Variants in RNF11 observed in about 807,000 individuals in gnomAD.
The protein encoded by RNF11 is ring finger protein 11.
In RNF11, 4 loss-of-function variants were observed where a neutral mutation model predicts 15.8. The ratio of observed to expected loss-of-function variants is 0.25; its 90% CI spans 0.12 to 0.58. The LOEUF is 0.58. Ranked by LOEUF, RNF11 falls within the 20% of genes least tolerant of loss-of-function variation. RNF11 has a pLI of 0.91. For synonymous variants in RNF11, 68 were observed against 72.3 expected (o/e 0.94, Z 0.30); for missense variants, 139 against 194.4 (o/e 0.71, Z 1.70).
rs183461836 is a variant in RNF11 at position 51,250,630 on chromosome 1, G to A, written c.123+13751G>A. 5.2e-4 allele frequency: 387 copies of A among 743,308 alleles called. 2 individuals carry two copies. The African/African-American group carries it at 6.3e-3, about 12-fold the overall frequency. The allele number at this position is 743,308 out of a possible 1,614,324, so 46.0% of individuals were successfully genotyped here. On this transcript the variant is annotated intron_variant, in intron 1 of 2. Transcript: ENST00000242719. ...GTAGCCACAGCTGGAGCCTGGGTCCGCTGCACGGAGACTCTGGCGTGGGCC... is the reference window on the plus strand; with the variant it reads ...GTAGCCACAGCTGGAGCCTGGGTCCACTGCACGGAGACTCTGGCGTGGGCC...
intron 1 of RNF11, among the ~76,000 whole-genome samples, chr1:51,238,768 C>T (rs1486582462): frequency 6.6e-6 from 1 of 152,016 alleles, no homozygotes; most frequent in East Asian, 1.9e-4. Flanking sequence ...CGCTCTGTCA[C>T]CCCGGCTGGA....
chr1:51,239,866 A>G (rs779464610), intron 1 of RNF11, among the ~76,000 whole-genome samples: 6 of 152,264 alleles, frequency 3.9e-5, no homozygotes, highest in Non-Finnish European at 7.3e-5. Flanking sequence ...ATGTACATAT[A>G]ATGACAAGAG....
intron 1 of RNF11, among the ~76,000 whole-genome samples, chr1:51,267,247 ATATT>A (rs1406357867): frequency 3.9e-5 from 6 of 152,316 alleles, no homozygotes; most frequent in African/African-American, 7.2e-5. Flanking sequence ...GCTAATCAAA[ATATT>A]TATTTATTTT....
chr1:51,244,628 C>T (rs1445182897), intron 1 of RNF11, among the ~76,000 whole-genome samples: 1 of 152,168 alleles, frequency 6.6e-6, no homozygotes, highest in Non-Finnish European at 1.5e-5. Context: ...CCTGCCTCGG[C>T]CTCCCAAAGT....
Position 51,236,581 on chromosome 1 carries a change from C to T in RNF11, c.-176C>T, listed in dbSNP as rs1646803867. 1.4e-6 allele frequency: 1 copy of T among 695,572 alleles called. No individual in the cohort carries two copies. The highest frequency in any genetic ancestry group is 3.7e-5 in the East Asian group (1 of 27,338). 43.1% of individuals were successfully genotyped at this position (695,572 alleles called of 1,614,324 possible). A position where few individuals can be genotyped will look rare whatever the true frequency, so the allele number is the denominator to read the frequency against. ...CGCGGCCCAGCCTTGATCCCCCAAC[C>T]CCGGGGGCTGGCATGAGCGGCCCCT... On this transcript the variant is annotated 5_prime_UTR_variant, in exon 1 of 3. Transcript: ENST00000242719.
chr1:51,257,663 G>T (rs572352121), intron 1 of RNF11, among the ~76,000 whole-genome samples: 26 of 151,740 alleles, frequency 1.7e-4, no homozygotes, highest in South Asian at 1.7e-3. Context: ...TCGCCACATT[G>T]CCCAGGCTGG....
At chr1:51,269,863 A>AG in intron 1 of RNF11, 93 bp from the exon 2 acceptor site, 1 of 1,046,722 alleles carries the variant, frequency 9.6e-7, no homozygotes, top group South Asian at 1.4e-5. Flanking sequence ...TACCCCTCCC[A>AG]GGGCTCCCTT....
rs748392833 is a variant in RNF11 at position 51,272,796 on chromosome 1, T to TATA, written c.*1474_*1475insATA. 18 of 152,320 alleles carry TATA rather than the reference T, an allele frequency of 1.2e-4. No homozygotes were observed. Among genetic ancestry groups the TATA allele is most frequent in the Non-Finnish European group, 2.5e-4 (17 of 67,994 alleles). 9.4% of individuals were successfully genotyped at this position (152,320 alleles called of 1,614,324 possible). A position where few individuals can be genotyped will look rare whatever the true frequency, so the allele number is the denominator to read the frequency against. The stretch of plus-strand genomic sequence containing the variant: ...AGTGTTTCTTATTATTATTTTATAT[T>TATA]GAGTTGAATATTGAACTCTAACAGT... On this transcript the variant is annotated 3_prime_UTR_variant, in exon 3 of 3. Transcript: ENST00000242719.
intron 1 of RNF11, among the ~76,000 whole-genome samples, chr1:51,253,440 T>G (rs1337418546): frequency 1.3e-5 from 2 of 151,270 alleles, no homozygotes; most frequent in East Asian, 3.9e-4. Flanking sequence ...GGAGGATCAC[T>G]TGAGCCCAGG....
chr1:51,262,228 C>G (rs1247613397), intron 1 of RNF11, among the ~76,000 whole-genome samples: 1 of 152,094 alleles, frequency 6.6e-6, no homozygotes, highest in Non-Finnish European at 1.5e-5. Context: ...GCACTTGGCC[C>G]CAAAACAATT....
At chr1:51,247,527 C>A (rs1436595238) in intron 1 of RNF11, among the ~76,000 whole-genome samples, 1 of 151,402 alleles carries the variant, frequency 6.6e-6, no homozygotes, top group Non-Finnish European at 1.5e-5. Context: ...CCCAAGCCAT[C>A]CTCCTGCCTC....
At chr1:51,262,245 G>A (rs758355777) in intron 1 of RNF11, among the ~76,000 whole-genome samples, 5 of 152,282 alleles carry the variant, frequency 3.3e-5, no homozygotes, top group East Asian at 3.9e-4. Flanking sequence ...AATTTTTAAC[G>A]GATGATGCTG....
rs974895540 is a variant in RNF11 at position 51,248,642 on chromosome 1, T to C, written c.123+11763T>C. 2.0e-5 allele frequency among the ~76,000 whole-genome samples: 3 copies of C among 152,172 alleles called. No homozygotes were observed. In the East Asian group the frequency reaches 5.8e-4, roughly 29 times the overall value. On this transcript the variant is annotated intron_variant, in intron 1 of 2. Coordinates refer to ENST00000242719, the MANE Select transcript of RNF11 (RefSeq NM_014372.5). ...GAGGTCAGCATGAAATAGTACATAA[T>C]CAATTATTAAATGGTTTTGTATATA...
chr1:51,264,287 A>AAAAATATAT (rs1557682286), intron 1 of RNF11, among the ~76,000 whole-genome samples: 4 of 32,518 alleles, frequency 1.2e-4, no homozygotes, highest in African/African-American at 3.1e-4. Flanking sequence ...AAAAAAAAAA[A>AAAAATATAT]ATATATATAT....
In RNF11 at chr1:51,248,221, G is replaced by A. The variant is rs535828609; in HGVS notation, c.123+11342G>A. Among the ~76,000 whole-genome samples, 124 of 130,882 alleles carry A rather than the reference G, an allele frequency of 9.5e-4. 1 individual carries two copies. The highest frequency in any genetic ancestry group is 3.4e-3 in the African/African-American group (117 of 34,070). 85.9% of individuals were successfully genotyped at this position (130,882 alleles called of 152,430 possible). ...TTTCTTTTTCTTTTTTTTTTTTTTGGCTTTGAGATGGAGTCTTGCTCTGTC... is the reference window on the plus strand; with the variant it reads ...TTTCTTTTTCTTTTTTTTTTTTTTGACTTTGAGATGGAGTCTTGCTCTGTC... On this transcript the variant is annotated intron_variant, in intron 1 of 2. Coordinates refer to ENST00000242719, the MANE Select transcript of RNF11 (RefSeq NM_014372.5).
At chr1:51,255,607 T>C (rs17106471) in intron 1 of RNF11, among the ~76,000 whole-genome samples, 2,344 of 152,348 alleles carry the variant, frequency 0.015, 59 homozygotes, top group African/African-American at 0.053. Flanking sequence ...TGATTAATCC[T>C]GATAAAAACC....
intron 1 of RNF11, among the ~76,000 whole-genome samples, chr1:51,266,968 C>G (rs1646957433): frequency 6.6e-6 from 1 of 152,218 alleles, no homozygotes; most frequent in Admixed American, 6.5e-5. Context: ...CCCACATAGC[C>G]CGGACACAGT....
At position 51,271,315 on chromosome 1, in the gene RNF11, C is replaced by T. The variant is rs767915041; in HGVS notation, c.458C>T (p.Thr153Ile). Residue 153 changes from threonine to isoleucine, a missense_variant, in exon 3 of 3, where the codon ACT becomes ATT. Thr to Ile is a moderately conservative substitution (Grantham distance 89). Coordinates refer to ENST00000242719, the MANE Select transcript of RNF11 (RefSeq NM_014372.5). ...GCAGCACTGCTTTCATCCTATGAGA[C>T]TAATTGAGCCAGGGTCTCTTATCTG... Reference protein sequence around the residue: ...VDAALLSSYETN With the variant: ...VDAALLSSYEIN The T allele has an allele frequency of 1.9e-6, 3 of 1,611,186 alleles. No homozygotes were observed. Among genetic ancestry groups the T allele is most frequent in the Non-Finnish European group, 1.7e-6 (2 of 1,178,046 alleles).
intron 1 of RNF11, among the ~76,000 whole-genome samples, chr1:51,241,879 G>A (rs1355726732): frequency 1.3e-5 from 2 of 152,176 alleles, no homozygotes; most frequent in African/African-American, 4.8e-5. Flanking sequence ...ACAGCTTGAG[G>A]TACCCCTGTG....
Sources: allele counts gnomAD v4.1 joint callset (sites outside exome capture counted in the v4.1 genomes callset), GRCh38; gene constraint gnomAD v4.1.1; transcripts MANE v1.5; gene names NCBI Gene and HGNC (gene_info 2026-07-23, HGNC 2026-07-21).